Variants in XYLT1 observed in about 807,000 individuals in gnomAD.
XYLT1 encodes the protein xylosyltransferase 1.
Under a neutral mutation model 91.3 loss-of-function variants are expected in XYLT1, and 36 were observed. The ratio of observed to expected loss-of-function variants is 0.39; its 90% CI spans 0.30 to 0.52. XYLT1 has a LOEUF of 0.52. XYLT1 is among the 20% of genes least tolerant of loss of function. The pLI is 0.68. For missense variants in XYLT1, 1,242 were observed against 1,284.5 expected (o/e 0.97, Z 0.51); for synonymous variants, 588 against 532.0 (o/e 1.11, Z -1.45).
At chr16:17,391,837 G>C (rs529831747) in intron 1 of XYLT1, among the ~76,000 whole-genome samples, 1 of 152,276 alleles carries the variant, frequency 6.6e-6, no homozygotes, top group African/African-American at 2.4e-5. Context: ...AGTCTCACGA[G>C]ATCTGATGGT....
At chr16:17,204,306 T>C (rs1210637049) in intron 3 of XYLT1, among the ~76,000 whole-genome samples, 1 of 152,184 alleles carries the variant, frequency 6.6e-6, no homozygotes, top group East Asian at 1.9e-4. Context: ...TGCTTTTCTT[T>C]TGGAGAAAGG....
At chr16:17,161,876 G>A (rs1451460735) in intron 5 of XYLT1, among the ~76,000 whole-genome samples, 3 of 152,048 alleles carry the variant, frequency 2.0e-5, no homozygotes, top group Admixed American at 1.3e-4. Context: ...GATAACTGGG[G>A]CCTGTTGCTA....
intron 3 of XYLT1, among the ~76,000 whole-genome samples, chr16:17,220,543 G>T (rs889724583): frequency 6.6e-6 from 1 of 152,178 alleles, no homozygotes; most frequent in East Asian, 1.9e-4. Flanking sequence ...CGCAATCTCG[G>T]CTCACTGCAA....
chr16:17,375,657 C>A (rs561004162), intron 1 of XYLT1, among the ~76,000 whole-genome samples: 1 of 152,214 alleles, frequency 6.6e-6, no homozygotes, highest in African/African-American at 2.4e-5. Flanking sequence ...TGGTCAAGTT[C>A]GGTGCTCAAG....
At chr16:17,223,748 T>C (rs1465931251) in intron 3 of XYLT1, among the ~76,000 whole-genome samples, 1 of 152,238 alleles carries the variant, frequency 6.6e-6, no homozygotes, top group East Asian at 1.9e-4. Flanking sequence ...AGAGACATTA[T>C]ACACTGGTGG....
chr16:17,437,292 G>T (rs945677435), intron 1 of XYLT1, among the ~76,000 whole-genome samples: 1 of 152,148 alleles, frequency 6.6e-6, no homozygotes, highest in Non-Finnish European at 1.5e-5. Flanking sequence ...GCCCGTGTAG[G>T]GTACAAGCTG....
At chr16:17,374,660 G>A (rs2035574148) in intron 1 of XYLT1, among the ~76,000 whole-genome samples, 1 of 150,234 alleles carries the variant, frequency 6.7e-6, no homozygotes, top group African/African-American at 2.4e-5. Context: ...AAAACAAGAG[G>A]TGATATCTTG....
At chr16:17,465,285 T>C (rs1317678185) in intron 1 of XYLT1, among the ~76,000 whole-genome samples, 1 of 151,790 alleles carries the variant, frequency 6.6e-6, no homozygotes, top group African/African-American at 2.4e-5. Flanking sequence ...TGGATCTCAG[T>C]TCTGCTACTC....
At position 17,108,128 on chromosome 16, in the gene XYLT1, A is replaced by C. The variant is rs7194453; in HGVS notation, c.*567T>G. ...GAAGCAGAAAAATGAACCAAAGGGC[A>C]GGGCTGGAGTTTGAACCCATGGTTG... is the stretch of plus-strand genomic sequence containing the variant. On this transcript the variant is annotated 3_prime_UTR_variant, in exon 12 of 12. Transcript: ENST00000261381. 1.3e-5 allele frequency: 2 copies of C among 152,854 alleles called. No homozygotes were observed. Among genetic ancestry groups the C allele is most frequent in the South Asian group, 4.1e-4 (2 of 4,826 alleles). 9.5% of individuals were successfully genotyped at this position (152,854 alleles called of 1,614,324 possible). A position where few individuals can be genotyped will look rare whatever the true frequency, so the allele number is the denominator to read the frequency against.
At chr16:17,403,142 T>C (rs901308027) in intron 1 of XYLT1, among the ~76,000 whole-genome samples, 28 of 152,314 alleles carry the variant, frequency 1.8e-4, no homozygotes, top group African/African-American at 5.8e-4. Context: ...CAGCTAACAC[T>C]TACCAATGCT....
chr16:17,281,776 A>G (rs921826261), intron 2 of XYLT1, among the ~76,000 whole-genome samples: 2 of 152,220 alleles, frequency 1.3e-5, no homozygotes, highest in African/African-American at 4.8e-5. Flanking sequence ...TTTAATATCC[A>G]CAGAATCCCC....
At chr16:17,401,015 C>CACA (rs1411455775) in intron 1 of XYLT1, among the ~76,000 whole-genome samples, 8 of 147,098 alleles carry the variant, frequency 5.4e-5, no homozygotes, top group African/African-American at 2.0e-4. Context: ...CACACACACA[C>CACA]CTGTCTACAA....
At chr16:17,388,880 GGA>G (rs2035781475) in intron 1 of XYLT1, among the ~76,000 whole-genome samples, 1 of 152,188 alleles carries the variant, frequency 6.6e-6, no homozygotes, top group Non-Finnish European at 1.5e-5. Context: ...AAAAGCACCT[GGA>G]GGAAGAAGAG....
chr16:17,306,103 C>T (rs533158844), intron 2 of XYLT1, among the ~76,000 whole-genome samples: 6 of 152,174 alleles, frequency 3.9e-5, no homozygotes, highest in African/African-American at 1.4e-4. Context: ...AAAGGACTGC[C>T]GAAGCTCTTT....
At chr16:17,306,056 A>G (rs1207262276) in intron 2 of XYLT1, among the ~76,000 whole-genome samples, 1 of 152,176 alleles carries the variant, frequency 6.6e-6, no homozygotes, top group Non-Finnish European at 1.5e-5. Context: ...AAAAGGAGAC[A>G]GGATTAAAAA....
chr16:17,421,077 G>A lies in XYLT1; in HGVS notation c.363+49357C>T, dbSNP rs574353188. Among the ~76,000 whole-genome samples, 7 of 152,214 alleles carry A rather than the reference G, an allele frequency of 4.6e-5. No homozygotes were observed. In the East Asian group the frequency reaches 5.8e-4, roughly 13 times the overall value. ...CTTGTGTTGGGATTATTTCTACTCCGCCAGCTTGTTTACCTTATTAGAGTA... is the reference window on the plus strand; with the variant it reads ...CTTGTGTTGGGATTATTTCTACTCCACCAGCTTGTTTACCTTATTAGAGTA... On this transcript the variant is annotated intron_variant, in intron 1 of 11. Transcript: ENST00000261381.
intron 5 of XYLT1, among the ~76,000 whole-genome samples, chr16:17,181,132 T>A (rs2032057533): frequency 6.6e-6 from 1 of 152,178 alleles, no homozygotes; most frequent in African/African-American, 2.4e-5. Flanking sequence ...AAATGGAATA[T>A]GTTGTTTCAC....
At chr16:17,379,793 A>ACACACACACACACACACC (rs71373108) in intron 1 of XYLT1, among the ~76,000 whole-genome samples, 18 of 142,426 alleles carry the variant, frequency 1.3e-4, no homozygotes, top group South Asian at 2.3e-4. Context: ...ACACACACAC[A>ACACACACACACACACACC]CCCCTTACCT....
intron 11 of XYLT1, among the ~76,000 whole-genome samples, chr16:17,112,897 T>C (rs1046111674): frequency 7.0e-6 from 1 of 143,102 alleles, no homozygotes; most frequent in African/African-American, 2.4e-5. Flanking sequence ...TGGAGTGCAA[T>C]GGCATGATCT....
Sources: gnomAD v4.1 joint callset for allele counts (sites outside exome capture counted in the v4.1 genomes callset) on GRCh38, gnomAD v4.1.1 for gene constraint, MANE v1.5 for transcripts, NCBI Gene and HGNC (gene_info 2026-07-23, HGNC 2026-07-21) for gene names.